Variants in KIAA1549 observed in about 807,000 individuals in gnomAD.
KIAA1549 encodes the protein UPF0606 protein KIAA1549.
KIAA1549 carries 70 observed loss-of-function variants against 156.4 expected under a neutral mutation model. The ratio of observed to expected loss-of-function variants is 0.45; its 90% CI spans 0.37 to 0.55. KIAA1549 has a LOEUF of 0.55. Ranked by LOEUF, KIAA1549 falls within the 20% of genes least tolerant of loss-of-function variation. KIAA1549 has a pLI of 0.00. For missense variants in KIAA1549, 2,428 were observed against 2,540.9 expected (o/e 0.96, Z 0.96); for synonymous variants, 1,103 against 1,066.4 (o/e 1.03, Z -0.67).
At position 138,877,058 on chromosome 7, in the gene KIAA1549, G is replaced by A. The variant is rs115383554; in HGVS notation, c.4345+2480C>T. On this transcript the variant is annotated intron_variant, in intron 12 of 19. Transcript: ENST00000422774. ...AAGAGAGCCGGTAGCTGTACCACCCGCAGGAGTGAGAGGGAACGCTGGTCC... is the reference window on the plus strand; with the variant it reads ...AAGAGAGCCGGTAGCTGTACCACCCACAGGAGTGAGAGGGAACGCTGGTCC... 9.9e-3 allele frequency among the ~76,000 whole-genome samples: 1,513 copies of A among 152,270 alleles called. 23 individuals carry two copies. Among genetic ancestry groups the A allele is most frequent in the African/African-American group, 0.034 (1,413 of 41,554 alleles).
Position 138,918,694 on chromosome 7 carries a change from G to A in KIAA1549, c.932C>T (p.Pro311Leu), listed in dbSNP as rs1443691808. The A allele has an allele frequency of 6.2e-7, 1 of 1,613,842 alleles. No individual in the cohort carries two copies. The highest frequency in any genetic ancestry group is 2.2e-5 in the East Asian group (1 of 44,876). The change falls in exon 2 of 20, where the codon CCA becomes CTA. Residue 311 changes from proline to leucine, a missense_variant. This residue lies in a region of KIAA1549 where 893 missense variants were observed against 847.9 expected (regional missense o/e 1.05). Transcript: ENST00000422774. The surrounding 1 kb of genome is among the most constrained non-coding windows in gnomAD (Gnocchi z 4.2). The part of the protein sequence containing the change: ...LPSLGEVSQP[P>L]EEVWATSADR... Reference sequence around the variant, plus strand: ...TGCACTTGTGGCCCAAACCTCCTCTGGAGGCTGTGAGACCTCCCCCAAGGA... The same window carrying A: ...TGCACTTGTGGCCCAAACCTCCTCTAGAGGCTGTGAGACCTCCCCCAAGGA...
Position 138,917,251 on chromosome 7 carries a change from G to A in KIAA1549, c.2375C>T (p.Thr792Ile), listed in dbSNP as rs766458275. Residue 792 changes from threonine (T) to isoleucine (I), a missense_variant, in exon 2 of 20, where the codon ACT becomes ATT. Thr to Ile is a moderately conservative substitution (Grantham distance 89). Coordinates refer to ENST00000422774, the MANE Select transcript of KIAA1549 (RefSeq NM_001164665.2). ...AGTTAAAATGGGCGTTGTGTGGACA[G>A]TGGTCAATGGTGATGTTGCTTGAAT... ...AGIQATSPLT[T>I]VHTTPILTES... The A allele has an allele frequency of 5.6e-6, 9 of 1,613,792 alleles. No homozygotes were observed. The highest frequency in any genetic ancestry group is 1.1e-5 in the South Asian group (1 of 91,082).
At chr7:138,940,105 G>A (rs543010513) in intron 1 of KIAA1549, among the ~76,000 whole-genome samples, 233 of 152,242 alleles carry the variant, frequency 1.5e-3, no homozygotes, top group Non-Finnish European at 2.7e-3. Context: ...AGGTTCATGT[G>A]CTGCACCCAT....
At chr7:138,912,614 A>G (rs1335610062) in intron 2 of KIAA1549, among the ~76,000 whole-genome samples, 154 bp from the exon 3 acceptor site, 1 of 152,100 alleles carries the variant, frequency 6.6e-6, no homozygotes, top group African/African-American at 2.4e-5. Flanking sequence ...AACAGGGGTT[A>G]AGGATCTAGT....
chr7:138,866,442 G>A (rs1010738809), intron 15 of KIAA1549, among the ~76,000 whole-genome samples: 2 of 152,178 alleles, frequency 1.3e-5, no homozygotes, highest in South Asian at 2.1e-4. Context: ...TATCTAAAGC[G>A]ATCACATCCA....
At chr7:138,852,697 G>A (rs1810269211) in intron 16 of KIAA1549, among the ~76,000 whole-genome samples, 2 of 152,204 alleles carry the variant, frequency 1.3e-5, no homozygotes, top group African/African-American at 2.4e-5. Context: ...AAAGGTCAGC[G>A]AGACCCAGTG....
chr7:138,980,515 T>C (rs981137793), intron 1 of KIAA1549, among the ~76,000 whole-genome samples: 2 of 152,340 alleles, frequency 1.3e-5, no homozygotes, highest in East Asian at 1.9e-4. Flanking sequence ...GTAATACCAA[T>C]AGCTATTTCC....
At chr7:138,860,680 G>C (rs981990398) in intron 16 of KIAA1549, among the ~76,000 whole-genome samples, 2 of 152,174 alleles carry the variant, frequency 1.3e-5, no homozygotes, top group African/African-American at 4.8e-5. Context: ...GTCCACGTGG[G>C]GACTGGCTGC....
At chr7:138,844,577 T>C in intron 17 of KIAA1549, 103 bp from the exon 18 acceptor site, 1 of 1,098,028 alleles carries the variant, frequency 9.1e-7, no homozygotes, top group Non-Finnish European at 1.2e-6. Context: ...CTTATTTGTC[T>C]ACCTGCTTAG....
chr7:138,908,025 G>A (rs759818578), intron 5 of KIAA1549, among the ~76,000 whole-genome samples: 2 of 152,100 alleles, frequency 1.3e-5, no homozygotes, highest in Non-Finnish European at 2.9e-5. Flanking sequence ...TTCTGCCCCA[G>A]ACCCAGCGCT....
At chr7:138,845,077 T>G (rs1436022926) in intron 17 of KIAA1549, among the ~76,000 whole-genome samples, 4 of 152,148 alleles carry the variant, frequency 2.6e-5, no homozygotes, top group Non-Finnish European at 5.9e-5. Context: ...TCATAAAAAT[T>G]ATTGAGGACT....
intron 1 of KIAA1549, among the ~76,000 whole-genome samples, chr7:138,937,416 G>T (rs755142105): frequency 4.6e-5 from 7 of 152,200 alleles, no homozygotes; most frequent in Non-Finnish European, 7.3e-5. Flanking sequence ...TCATTCATGA[G>T]TCCAACAAAC....
intron 2 of KIAA1549, among the ~76,000 whole-genome samples, chr7:138,912,877 A>AT (rs1426881425): frequency 1.3e-5 from 2 of 151,876 alleles, no homozygotes; most frequent in Admixed American, 1.3e-4. Context: ...CAGAAGGAAC[A>AT]TTTTTCTTTT....
intron 10 of KIAA1549, among the ~76,000 whole-genome samples, chr7:138,888,728 CTG>C (rs1229578012): frequency 6.6e-6 from 1 of 152,202 alleles, no homozygotes; most frequent in Non-Finnish European, 1.5e-5. Flanking sequence ...AAAATCCATT[CTG>C]TGTGATTAAG....
At chr7:138,954,008 T>C (rs545623129) in intron 1 of KIAA1549, among the ~76,000 whole-genome samples, 89 of 152,350 alleles carry the variant, frequency 5.8e-4, no homozygotes, top group Admixed American at 2.3e-3. Context: ...TGAAATATTA[T>C]GTTTAGTAAT....
In KIAA1549 at chr7:138,918,713, C is replaced by A. The variant is rs761267287; in HGVS notation, c.913G>T (p.Gly305Trp). 5.5e-5 allele frequency: 89 copies of A among 1,613,722 alleles called. No individual in the cohort carries two copies. The highest frequency in any genetic ancestry group is 6.7e-5 in the Non-Finnish European group (79 of 1,179,886). ...TCCTCTGGAGGCTGTGAGACCTCCC[C>A]CAAGGAGGGCAACGGTATAGTAATG... is the stretch of plus-strand genomic sequence containing the variant. The part of the protein sequence containing the change: ...DGITIPLPSL[G>W]EVSQPPEEVW... Residue 305 changes from glycine (G) to tryptophan (W), a missense_variant, in exon 2 of 20, where the codon GGG becomes TGG. Physicochemically the swap from Gly to Trp is radical, Grantham distance 184. Coordinates refer to ENST00000422774, the MANE Select transcript of KIAA1549 (RefSeq NM_001164665.2). The surrounding 1 kb of genome is among the most constrained non-coding windows in gnomAD (Gnocchi z 4.2).
rs1269517090 is a variant in KIAA1549, at chr7:138,869,548, G to T, written c.4765C>A (p.Pro1589Thr). The change falls in exon 14 of 20, where the codon CCC (proline) becomes ACC (threonine). Residue 1589 changes from proline to threonine, a missense_variant. Physicochemically the swap from Pro to Thr is conservative, Grantham distance 38. This residue lies in a region of KIAA1549 where 404 missense variants were observed against 417.0 expected (regional missense o/e 0.97). Coordinates refer to ENST00000422774, the MANE Select transcript of KIAA1549 (RefSeq NM_001164665.2). Reference protein sequence around the residue: ...TASVPSVFIEPRKSSRIKRSP... With the variant: ...TASVPSVFIETRKSSRIKRSP... ...AGAGCCCCAGCCCACCTCTTCCTGG[G>T]CTCTATGAACACGGAGGGCACGCTG... The T allele has an allele frequency of 1.3e-6, 2 of 1,568,134 alleles. No homozygotes were observed.
chr7:138,938,049 T>C (rs1813069098), intron 1 of KIAA1549, among the ~76,000 whole-genome samples: 1 of 152,006 alleles, frequency 6.6e-6, no homozygotes, highest in African/African-American at 2.4e-5. Flanking sequence ...AAGGTGATGG[T>C]ATTAAGAGGT....
At position 138,833,692 on chromosome 7, in the gene KIAA1549, G is replaced by C. The variant is rs1387177961; in HGVS notation, c.*4214C>G. On this transcript the variant is annotated 3_prime_UTR_variant, in exon 20 of 20. Transcript: ENST00000422774. ...AGATACATAGACAGACAGACAGATA[G>C]ATAACCCACTATGCTCCACAAAGGA... The C allele has an allele frequency of 4.3e-6, 1 of 232,818 alleles. No individual in the cohort carries two copies. The highest frequency in any genetic ancestry group is 5.6e-5 in the Admixed American group (1 of 17,752). The allele number at this position is 232,818 out of a possible 1,614,324, so 14.4% of individuals were successfully genotyped here. A position where few individuals can be genotyped will look rare whatever the true frequency, so the allele number is the denominator to read the frequency against.
Sources: gnomAD v4.1 joint callset for allele counts (sites outside exome capture counted in the v4.1 genomes callset) on GRCh38, gnomAD v4.1.1 for gene constraint, gnomAD v4.1.1 regional missense constraint, Gnocchi (gnomAD v3.1) non-coding constraint, MANE v1.5 for transcripts, NCBI Gene and HGNC (gene_info 2026-07-23, HGNC 2026-07-21) for gene names.